The following CIITA variants were observed in gnomAD, a reference collection of about 807,000 sequenced individuals.
CIITA encodes the protein MHC class II transactivator.
In CIITA, 72 loss-of-function variants were observed where a neutral mutation model predicts 115.1. That is an observed-to-expected ratio of 0.63 (90% confidence interval 0.52 to 0.76). The LOEUF is 0.76. Ranked by LOEUF, CIITA falls within the 30% of genes least tolerant of loss-of-function variation. The probability of loss-of-function intolerance (pLI) is 0.00; values close to 1 mark genes in which losing one functional copy is unlikely to be tolerated. For missense variants in CIITA, 1,617 were observed against 1,463.8 expected (o/e 1.10, Z -1.71); for synonymous variants, 763 against 635.6 (o/e 1.20, Z -3.02).
At chr16:10,890,176 C>A (rs1401380683) in intron 1 of CIITA, among the ~76,000 whole-genome samples, 1 of 151,994 alleles carries the variant, frequency 6.6e-6, no homozygotes, top group Non-Finnish European at 1.5e-5. Flanking sequence ...CAGGTTGAGC[C>A]AATGACGCAG....
chr16:10,872,979 A>G (rs1231448001), upstream of CIITA, among the ~76,000 whole-genome samples: 2 of 152,028 alleles, frequency 1.3e-5, no homozygotes, highest in African/African-American at 4.8e-5. Flanking sequence ...TTATTATTTT[A>G]TTTTATTTTT....
rs1438913863 is a variant in CIITA, at chr16:10,877,381, A to G, written c.51A>G (p.Gln17=). 4.3e-6 allele frequency: 7 copies of G among 1,612,964 alleles called. No homozygotes were observed. The highest frequency in any genetic ancestry group is 3.3e-5 in the South Asian group (3 of 90,844). The part of the protein sequence containing the change: ...RPAGSYLSEP[Q]GSSQCATMEL... ...CTGGGTCCTACCTGTCAGAGCCCCA[A>G]GGTAAAAAGGCCGGGAAAGCATCTT... Residue 17 remains glutamine, a splice_region_variant and synonymous_variant, in exon 1 of 20, where the codon CAA becomes CAG. Transcript: ENST00000324288.
intron 9 of CIITA, 51 bp from the exon 10 acceptor site, chr16:10,904,693 C>T (rs768812733): frequency 2.5e-6 from 4 of 1,599,910 alleles, no homozygotes; most frequent in Admixed American, 1.7e-5. Flanking sequence ...GGAGGGGGGT[C>T]CCCAGGGGTA....
Position 10,935,935 on chromosome 16 carries a change from C to T in CIITA, c.*12080C>T, listed in dbSNP as rs922420549. The T allele has an allele frequency of 6.6e-6, 1 of 151,892 alleles. No homozygotes were observed. Among genetic ancestry groups the T allele is most frequent in the Non-Finnish European group, 1.5e-5 (1 of 68,010 alleles). 9.4% of individuals were successfully genotyped at this position (151,892 alleles called of 1,614,324 possible). A position where few individuals can be genotyped will look rare whatever the true frequency, so the allele number is the denominator to read the frequency against. ...TAATGCAAAAGCTGATCTGGGATTGCATCTTGGACCTCAACTCTCCCCTTT... is the reference window on the plus strand; with the variant it reads ...TAATGCAAAAGCTGATCTGGGATTGTATCTTGGACCTCAACTCTCCCCTTT... On this transcript the variant is annotated 3_prime_UTR_variant, in exon 20 of 20. Transcript: ENST00000324288.
intron 13 of CIITA, among the ~76,000 whole-genome samples, chr16:10,911,320 TTCCC>T (rs61498073): frequency 0.16 from 21,771 of 137,350 alleles, 1,830 homozygotes; most frequent in Middle Eastern, 0.27. Context: ...CCTTCCTTCC[TTCCC>T]TCCCTCCCTT....
In CIITA at chr16:10,942,861, A is replaced by G. The variant is rs1013907482; in HGVS notation, n.1987A>G. 17 of 152,172 alleles carry G rather than the reference A, an allele frequency of 1.1e-4. No homozygotes were observed. The highest frequency in any genetic ancestry group is 3.1e-4 in the African/African-American group (13 of 41,428). The allele number at this position is 152,172 out of a possible 1,614,324, so 9.4% of individuals were successfully genotyped here. A position where few individuals can be genotyped will look rare whatever the true frequency, so the allele number is the denominator to read the frequency against. ...GACGGTTGCCCTGGAAATTTTGGAC[A>G]TTCCCAAAGCGCCAATTTTCATGGT... is the stretch of plus-strand genomic sequence containing the variant. On this transcript the variant is annotated non_coding_transcript_exon_variant, in exon 2 of 2. Transcript: ENST00000573379. This position sits in a 1 kb window ranked among gnomAD's most constrained non-coding sequence, Gnocchi z 5.0.
chr16:10,881,631 T>C (rs557011183), intron 1 of CIITA, among the ~76,000 whole-genome samples: 5 of 152,368 alleles, frequency 3.3e-5, no homozygotes, highest in Non-Finnish European at 5.9e-5. Flanking sequence ...TTTCCGTTTA[T>C]ACATGGAAAA....
intron 1 of CIITA, among the ~76,000 whole-genome samples, chr16:10,870,887 G>A (rs1452330651): frequency 1.3e-5 from 2 of 152,214 alleles, no homozygotes; most frequent in African/African-American, 4.8e-5. Context: ...TAAACCAGGG[G>A]TTTGAGGCAC....
rs534663824 is a variant in CIITA, at chr16:10,877,248, C to T, written c.-83C>T. Reference sequence around the variant, plus strand: ...GCTGTGTGCTTCTGAGCTGGGCATCCGAAGGCATCCTTGGGGAAGCTGAGG... The same window carrying T: ...GCTGTGTGCTTCTGAGCTGGGCATCTGAAGGCATCCTTGGGGAAGCTGAGG... On this transcript the variant is annotated 5_prime_UTR_variant, in exon 1 of 20. It introduces an in-frame stop codon into an upstream open reading frame of the 5' UTR. Transcript: ENST00000324288. 143 of 1,309,748 alleles carry T rather than the reference C, an allele frequency of 1.1e-4. 1 individual carries two copies. Among genetic ancestry groups the T allele is most frequent in the Admixed American group, 2.8e-4 (15 of 52,792 alleles). The allele number at this position is 1,309,748 out of a possible 1,614,324, so 81.1% of individuals were successfully genotyped here. A position where few individuals can be genotyped will look rare whatever the true frequency, so the allele number is the denominator to read the frequency against.
Position 10,901,454 on chromosome 16 carries a change from G to A in CIITA, c.437-60G>A, listed in dbSNP as rs1596528787. On this transcript the variant is annotated intron_variant, in intron 5 of 19. Transcript: ENST00000324288. The surrounding 1 kb of genome is among the most constrained non-coding windows in gnomAD (Gnocchi z 6.8). Reference sequence around the variant, plus strand: ...GCCGTATAGCCTGCTAGAGTCCTGAGCCCCTTCTGGCTTGGGACATCCTCT... The same window carrying A: ...GCCGTATAGCCTGCTAGAGTCCTGAACCCCTTCTGGCTTGGGACATCCTCT... The A allele has an allele frequency of 3.8e-6, 6 of 1,586,082 alleles. No individual in the cohort carries two copies. The East Asian group carries it at 1.3e-4, about 35-fold the overall frequency.
chr16:10,887,577 CCT>C (rs1567374938), intron 1 of CIITA, among the ~76,000 whole-genome samples: 2 of 151,564 alleles, frequency 1.3e-5, no homozygotes. Flanking sequence ...CTCACTGCAA[CCT>C]CCGCCTCCCA....
Position 10,906,767 on chromosome 16 carries a change from C to T in CIITA, c.1275C>T (p.Gly425=), listed in dbSNP as rs1263554056. 1 of 1,611,160 alleles carries T rather than the reference C, an allele frequency of 6.2e-7. No homozygotes were observed. The highest frequency in any genetic ancestry group is 1.3e-5 in the African/African-American group (1 of 74,926). ...VIAVLGKAGQ[G]KSYWAGAVSR... is the part of the protein sequence containing the mutation. The stretch of plus-strand genomic sequence containing the variant: ...CTGTGCTGGGCAAAGCTGGTCAGGG[C>T]AAGAGCTATTGGGCTGGGGCAGTGA... Residue 425 remains glycine (G), a synonymous_variant, in exon 11 of 20, where the codon GGC becomes GGT. Coordinates refer to ENST00000324288, the MANE Select transcript of CIITA (RefSeq NM_000246.4).
intron 13 of CIITA, 35 bp downstream of exon 13, chr16:10,910,294 G>A (rs765461813): frequency 1.1e-5 from 17 of 1,572,488 alleles, no homozygotes; most frequent in Middle Eastern, 1.7e-4. Flanking sequence ...GTGGGTCTGC[G>A]CAAGGTTTCC....
At chr16:10,904,104 C>T (rs139658817) in intron 9 of CIITA, among the ~76,000 whole-genome samples, 26 of 152,356 alleles carry the variant, frequency 1.7e-4, no homozygotes, top group African/African-American at 5.1e-4. Flanking sequence ...CATCCAAATA[C>T]AGCCATCAGC....
At chr16:10,915,544 T>C (rs757847927) in intron 13 of CIITA, 26 bp from the exon 14 acceptor site, 20 of 1,589,094 alleles carry the variant, frequency 1.3e-5, no homozygotes, top group Non-Finnish European at 1.6e-5. Flanking sequence ...TGACTGGAGG[T>C]CTTACCCTTG....
At position 10,910,271 on chromosome 16, in the gene CIITA, G is replaced by A; in HGVS notation, c.2888+12G>A. 1 of 1,612,622 alleles carries A rather than the reference G, an allele frequency of 6.2e-7. No individual in the cohort carries two copies. The highest frequency in any genetic ancestry group is 8.5e-7 in the Non-Finnish European group (1 of 1,178,896). ...AAACTGGAGTTTGCGTAAGCAAAGG[G>A]GTGGATTGTCTTGTGGGTCTGCGCA... On this transcript the variant is annotated intron_variant, in intron 13 of 19. Transcript: ENST00000324288.
intron 1 of CIITA, among the ~76,000 whole-genome samples, chr16:10,868,028 C>T (rs2035215384): frequency 6.6e-6 from 1 of 152,208 alleles, no homozygotes; most frequent in African/African-American, 2.4e-5. Flanking sequence ...TCCCAAATTG[C>T]TGGGCTTACA....
chr16:10,890,345 G>A (rs1735391545), intron 1 of CIITA, among the ~76,000 whole-genome samples: 1 of 151,756 alleles, frequency 6.6e-6, no homozygotes, highest in Admixed American at 6.6e-5. Flanking sequence ...GTGCAGTGGT[G>A]CAATCTCAGT....
At position 10,929,149 on chromosome 16, in the gene CIITA, C is replaced by A. The variant is rs144919118; in HGVS notation, c.*5294C>A. The A allele has an allele frequency of 8.5e-4, 785 of 925,064 alleles. 4 individuals carry two copies. The African/African-American group carries it at 0.013, about 15-fold the overall frequency. The allele number at this position is 925,064 out of a possible 1,614,324, so 57.3% of individuals were successfully genotyped here. On this transcript the variant is annotated 3_prime_UTR_variant, in exon 20 of 20. Coordinates refer to ENST00000324288, the MANE Select transcript of CIITA (RefSeq NM_000246.4). The surrounding 1 kb of genome is among the most constrained non-coding windows in gnomAD (Gnocchi z 4.3). Reference sequence around the variant, plus strand: ...CAGCTTCTTTTTCTTCTGAGTCACCCCTGAAACAGTCGCTGCATCTAAGAC... The same window carrying A: ...CAGCTTCTTTTTCTTCTGAGTCACCACTGAAACAGTCGCTGCATCTAAGAC...
Sources: gnomAD v4.1 joint callset for allele counts (sites outside exome capture counted in the v4.1 genomes callset) on GRCh38, gnomAD v4.1.1 for gene constraint, Gnocchi (gnomAD v3.1) non-coding constraint, MANE v1.5 for transcripts, NCBI Gene and HGNC (gene_info 2026-07-23, HGNC 2026-07-21) for gene names.